The following SNX4 variants were observed in gnomAD, a reference collection of about 807,000 sequenced individuals.
SNX4 encodes the protein sorting nexin 4.
Under a neutral mutation model 70.8 loss-of-function variants are expected in SNX4, and 49 were observed. The observed-to-expected ratio is 0.69, with a 90% CI of 0.55 to 0.88. The LOEUF is 0.88. Ranked by LOEUF, SNX4 falls within the 40% of genes least tolerant of loss-of-function variation. SNX4 has a pLI of 0.00. For missense variants in SNX4, 528 were observed against 544.8 expected (o/e 0.97, Z 0.31); for synonymous variants, 206 against 183.8 (o/e 1.12, Z -0.98).
intron 9 of SNX4, 64 bp downstream of exon 9, chr3:125,469,390 G>T: frequency 9.6e-7 from 1 of 1,039,562 alleles, no homozygotes; most frequent in Non-Finnish European, 1.5e-6. Flanking sequence ...AAGAATAGAA[G>T]AGTCACTAAT....
At chr3:125,510,068 A>C (rs1580010770) in intron 1 of SNX4, among the ~76,000 whole-genome samples, 2 of 152,192 alleles carry the variant, frequency 1.3e-5, no homozygotes, top group East Asian at 3.8e-4. Flanking sequence ...AAAAATTAAA[A>C]ATACAATTAC....
chr3:125,477,901 C>A (rs916038271), intron 7 of SNX4, among the ~76,000 whole-genome samples: 12 of 152,076 alleles, frequency 7.9e-5, no homozygotes, highest in Non-Finnish European at 1.5e-4. Context: ...AAACACCTCC[C>A]ATCTGGCCTT....
chr3:125,516,766 A>G (rs1935292673), intron 1 of SNX4, among the ~76,000 whole-genome samples: 1 of 152,188 alleles, frequency 6.6e-6, no homozygotes, highest in Non-Finnish European at 1.5e-5. Flanking sequence ...ACTTGAACGC[A>G]GGAGGCAGAG....
chr3:125,489,379 T>C (rs544703619), intron 6 of SNX4, 29 bp downstream of exon 6: 20 of 1,562,292 alleles, frequency 1.3e-5, no homozygotes, highest in South Asian at 1.0e-4. Context: ...CAAAACAACA[T>C]TGTAACTGTT....
At chr3:125,447,848 T>G in intron 13 of SNX4, 22 bp from the exon 14 acceptor site, 1 of 1,521,958 alleles carries the variant, frequency 6.6e-7, no homozygotes, top group Non-Finnish European at 9.0e-7. Context: ...AATAAAAACT[T>G]TAAAATGTGA....
At chr3:125,460,198 CA>C (rs57601494) in intron 10 of SNX4, among the ~76,000 whole-genome samples, 866 of 64,704 alleles carry the variant, frequency 0.013, 4 homozygotes, top group African/African-American at 0.031. Flanking sequence ...TAGTCTGTCT[CA>C]AAAAAAAAAA....
At chr3:125,495,705 A>G (rs1934779140) in intron 5 of SNX4, among the ~76,000 whole-genome samples, 1 of 152,186 alleles carries the variant, frequency 6.6e-6, no homozygotes, top group Non-Finnish European at 1.5e-5. Flanking sequence ...TTACGGCCAA[A>G]AACTGTATTC....
chr3:125,469,749 T>C (rs1398479960), intron 8 of SNX4, among the ~76,000 whole-genome samples: 1 of 152,214 alleles, frequency 6.6e-6, no homozygotes, highest in Non-Finnish European at 1.5e-5. Flanking sequence ...AAGGTAAGTA[T>C]CATACTCAAC....
Position 125,453,841 on chromosome 3 carries a change from G to A in SNX4, c.1159C>T (p.Gln387Ter). 1 of 1,613,880 alleles carries A rather than the reference G, an allele frequency of 6.2e-7. No homozygotes were observed. The highest frequency in any genetic ancestry group is 8.5e-7 in the Non-Finnish European group (1 of 1,179,896). The change falls in exon 12 of 14, where the codon CAA becomes TAA. Residue 387 changes from glutamine to a stop codon, truncating the protein, a stop_gained. Transcript: ENST00000251775. LOFTEE classifies it high-confidence loss of function. ...VLEEQINEGE[Q>*]QLKSKNLEGR... is the part of the protein sequence containing the mutation. ...TCCAGATTTTTAGACTTTAGCTGTT[G>A]TTCTCCTTCATTTATTTGTTCTTCT... is the stretch of plus-strand genomic sequence containing the variant.
intron 9 of SNX4, among the ~76,000 whole-genome samples, chr3:125,464,160 T>C (rs1209792653): frequency 6.6e-6 from 1 of 152,196 alleles, no homozygotes; most frequent in Non-Finnish European, 1.5e-5. Context: ...TGCATAATCA[T>C]TACCACCACC....
chr3:125,492,289 C>T (rs2107554643), intron 5 of SNX4, among the ~76,000 whole-genome samples: 1 of 152,262 alleles, frequency 6.6e-6, no homozygotes, highest in African/African-American at 2.4e-5. Context: ...ATTCCTCTTC[C>T]TTGGCCTCTG....
chr3:125,458,259 G>A (rs957732189), intron 10 of SNX4, among the ~76,000 whole-genome samples: 2 of 147,312 alleles, frequency 1.4e-5, no homozygotes, highest in Middle Eastern at 3.6e-3. Context: ...TGCAACCTCT[G>A]CCTCCTGGGC....
chr3:125,497,286 G>T lies in SNX4; in HGVS notation c.597+55C>A, dbSNP rs9841499. ...ATACCAAGTTCCCAATGAGTGCATG[G>T]CACCATGCTGGGAACTGTAAAGGAA... On this transcript the variant is annotated intron_variant, in intron 5 of 13. Transcript: ENST00000251775. The T allele has an allele frequency of 0.084, 91,735 of 1,096,356 alleles. 4,301 individuals are homozygous for T. Among genetic ancestry groups the T allele is most frequent in the South Asian group, 0.095 (7,187 of 75,776 alleles). 67.9% of individuals were successfully genotyped at this position (1,096,356 alleles called of 1,614,324 possible).
intron 9 of SNX4, among the ~76,000 whole-genome samples, chr3:125,466,006 T>C (rs1256357952): frequency 2.0e-5 from 3 of 152,196 alleles, no homozygotes; most frequent in South Asian, 2.1e-4. Context: ...TTCCAATCCA[T>C]GAACATAGTT....
At chr3:125,486,077 G>T (rs1465583686) in intron 6 of SNX4, among the ~76,000 whole-genome samples, 1 of 152,120 alleles carries the variant, frequency 6.6e-6, no homozygotes, top group Non-Finnish European at 1.5e-5. Flanking sequence ...CTGACCTCGT[G>T]ATCCACCCAC....
chr3:125,469,034 T>C (rs1934106405), intron 9 of SNX4, among the ~76,000 whole-genome samples: 1 of 152,208 alleles, frequency 6.6e-6, no homozygotes, highest in East Asian at 1.9e-4. Context: ...CAATGTTTAC[T>C]AAAAGCGGCA....
chr3:125,476,137 G>A (rs1412702700), intron 8 of SNX4, among the ~76,000 whole-genome samples: 1 of 150,832 alleles, frequency 6.6e-6, no homozygotes. Flanking sequence ...TGTGGTGGCA[G>A]GTGTCTGTAA....
intron 8 of SNX4, among the ~76,000 whole-genome samples, chr3:125,471,308 C>T (rs1306913690): frequency 9.1e-6 from 1 of 110,254 alleles, no homozygotes; most frequent in Non-Finnish European, 1.7e-5. Context: ...CGCGCCATTG[C>T]ACTCCAGTGT....
At chr3:125,497,101 ACT>A (rs375508523) in intron 5 of SNX4, among the ~76,000 whole-genome samples, 2 of 151,668 alleles carry the variant, frequency 1.3e-5, no homozygotes, top group African/African-American at 4.8e-5. Flanking sequence ...AAAAAAATTC[ACT>A]GTTACAAAAT....
Sources: allele counts gnomAD v4.1 joint callset (sites outside exome capture counted in the v4.1 genomes callset), GRCh38; gene constraint gnomAD v4.1.1; transcripts MANE v1.5; gene names NCBI Gene and HGNC (gene_info 2026-07-23, HGNC 2026-07-21).